EML6: variants seen among roughly 807,000 people sequenced by gnomAD.
EML6 encodes echinoderm microtubule-associated protein-like 6.
A neutral mutation model predicts 240.1 loss-of-function variants in EML6; 154 were observed. The observed-to-expected ratio is 0.64, with a 90% CI of 0.56 to 0.73. The LOEUF (loss-of-function observed/expected upper bound fraction) is 0.73. Ranked by LOEUF, EML6 falls within the 30% of genes least tolerant of loss-of-function variation. The probability of loss-of-function intolerance (pLI) is 0.00; values close to 1 mark genes in which losing one functional copy is unlikely to be tolerated. For missense variants in EML6, 2,964 were observed against 2,474.6 expected (o/e 1.20, Z -4.20); for synonymous variants, 1,148 against 899.0 (o/e 1.28, Z -4.95).
rs1670579647 is a variant in EML6, at chr2:54,859,782, G to A, written c.1825+81G>A. 4 of 1,238,792 alleles carry A rather than the reference G, an allele frequency of 3.2e-6. No homozygotes were observed. The East Asian group carries it at 1.1e-4, about 35-fold the overall frequency. 76.7% of individuals were successfully genotyped at this position (1,238,792 alleles called of 1,614,324 possible). On this transcript the variant is annotated intron_variant, in intron 12 of 41. Coordinates refer to ENST00000356458, the MANE Select transcript of EML6 (RefSeq NM_001039753.4). ...GAATGGTCTAACATGTATTCTATAG[G>A]TAAAGGATTTAAGCAATTTTGGAAA...
In EML6 at chr2:54,884,839, T is replaced by C. The variant is rs114658744; in HGVS notation, c.2438+5199T>C. On this transcript the variant is annotated intron_variant, in intron 17 of 41. Coordinates refer to ENST00000356458, the MANE Select transcript of EML6 (RefSeq NM_001039753.4). Reference sequence around the variant, plus strand: ...GGTTTTCTCTAGTCTCTCTAAAGTATATATTAATGATTTTGTATCTAGGGA... The same window carrying C: ...GGTTTTCTCTAGTCTCTCTAAAGTACATATTAATGATTTTGTATCTAGGGA... 7.6e-3 allele frequency among the ~76,000 whole-genome samples: 1,161 copies of C among 152,316 alleles called. 16 individuals carry two copies. The highest frequency in any genetic ancestry group is 0.027 in the African/African-American group (1,103 of 41,564).
intron 7 of EML6, among the ~76,000 whole-genome samples, chr2:54,842,231 T>C (rs1054685680): frequency 6.6e-6 from 1 of 152,230 alleles, no homozygotes; most frequent in Non-Finnish European, 1.5e-5. Flanking sequence ...TGCCTGTTCA[T>C]CACTCTGCCT....
intron 15 of EML6, among the ~76,000 whole-genome samples, chr2:54,870,417 T>A (rs1405741329): frequency 2.0e-5 from 3 of 151,858 alleles, no homozygotes; most frequent in African/African-American, 7.3e-5. Flanking sequence ...AAGGTATATT[T>A]GGGGGAAAAA....
intron 2 of EML6, among the ~76,000 whole-genome samples, chr2:54,753,436 A>G (rs758238426): frequency 1.2e-4 from 18 of 152,208 alleles, no homozygotes; most frequent in South Asian, 1.0e-3. Flanking sequence ...AGTGGGCTCA[A>G]TGTAATCATA....
rs1005915397 is a variant in EML6 at position 54,797,183 on chromosome 2, A to C, written c.198-16049A>C. ...CCATCTCAAAAAAAAAAAAAAAAAAAAAAAAACTGTGATCTTGTAGGTCTA... is the reference window on the plus strand; with the variant it reads ...CCATCTCAAAAAAAAAAAAAAAAAACAAAAAACTGTGATCTTGTAGGTCTA... On this transcript the variant is annotated intron_variant, in intron 2 of 41. Transcript: ENST00000356458. 1.2e-4 allele frequency among the ~76,000 whole-genome samples: 18 copies of C among 149,304 alleles called. No individual in the cohort carries two copies. In the South Asian group the frequency reaches 1.3e-3, roughly 11 times the overall value.
rs946605646 is a variant in EML6, at chr2:54,970,457, A to C, written c.*362A>C. 1 of 235,458 alleles carries C rather than the reference A, an allele frequency of 4.2e-6. No homozygotes were observed. The highest frequency in any genetic ancestry group is 8.4e-6 in the Non-Finnish European group (1 of 118,856). The allele number at this position is 235,458 out of a possible 1,614,324, so 14.6% of individuals were successfully genotyped here. A position where few individuals can be genotyped will look rare whatever the true frequency, so the allele number is the denominator to read the frequency against. ...CAATATGTAGCTTTTAATTTGCATC[A>C]AAACTTTTACAAAGATGTTTTGCTA... On this transcript the variant is annotated 3_prime_UTR_variant, in exon 42 of 42. Coordinates refer to ENST00000356458, the MANE Select transcript of EML6 (RefSeq NM_001039753.4).
chr2:54,755,651 T>C (rs1187064028), intron 2 of EML6, among the ~76,000 whole-genome samples: 1 of 152,148 alleles, frequency 6.6e-6, no homozygotes, highest in African/African-American at 2.4e-5. Flanking sequence ...TTTGCTAGTA[T>C]ATAGAAATAT....
chr2:54,910,445 G>T (rs1673579154), intron 24 of EML6, among the ~76,000 whole-genome samples: 1 of 152,182 alleles, frequency 6.6e-6, no homozygotes. Flanking sequence ...AGACCAGAGG[G>T]TGGGGAAGGA....
chr2:54,894,606 C>A (rs1395047308), intron 19 of EML6, among the ~76,000 whole-genome samples: 1 of 151,968 alleles, frequency 6.6e-6, no homozygotes, highest in African/African-American at 2.4e-5. Flanking sequence ...CTGTAGGAAC[C>A]ACATTCTGGT....
At chr2:54,759,543 GGTTTTATAGA>G (rs1011587854) in intron 2 of EML6, among the ~76,000 whole-genome samples, 2 of 152,078 alleles carry the variant, frequency 1.3e-5, no homozygotes, top group African/African-American at 2.4e-5. Context: ...AGCTTTTAAA[GGTTTTATAGA>G]GTTTTTAAAA....
At position 54,816,469 on chromosome 2, in the gene EML6, T is replaced by C. The variant is rs1668086170; in HGVS notation, c.358-318T>C. Among the ~76,000 whole-genome samples, 3 of 152,204 alleles carry C rather than the reference T, an allele frequency of 2.0e-5. No homozygotes were observed. The South Asian group carries it at 6.2e-4, about 31-fold the overall frequency. ...TACCTAAAAATTTTAAGTTAAAAAT[T>C]CCAAATGCTGCTATCAAGTTCTGTT... On this transcript the variant is annotated intron_variant, in intron 3 of 41. Coordinates refer to ENST00000356458, the MANE Select transcript of EML6 (RefSeq NM_001039753.4).
At position 54,813,412 on chromosome 2, in the gene EML6, G is replaced by C. The variant is rs149007487; in HGVS notation, c.357+21G>C. 689 of 1,544,682 alleles carry C rather than the reference G, an allele frequency of 4.5e-4. 1 individual carries two copies. The highest frequency in any genetic ancestry group is 1.0e-3 in the Middle Eastern group (6 of 5,892). On this transcript the variant is annotated intron_variant, in intron 3 of 41. Transcript: ENST00000356458. ...GACAGGTGTGTATCTTTTTTTAGTT[G>C]TTTTATTTAATGACTTCTCACAACT...
At chr2:54,846,921 G>GTTTTTTT (rs1558606488) in intron 8 of EML6, among the ~76,000 whole-genome samples, 2 of 81,198 alleles carry the variant, frequency 2.5e-5, no homozygotes, top group Non-Finnish European at 5.6e-5. Flanking sequence ...GTATGAAGTA[G>GTTTTTTT]TATTTTTTTT....
chr2:54,869,262 C>A lies in EML6; in HGVS notation c.2133C>A (p.Val711=). 6.4e-7 allele frequency: 1 copy of A among 1,551,492 alleles called. No individual in the cohort carries two copies. Among genetic ancestry groups the A allele is most frequent in the Non-Finnish European group, 8.7e-7 (1 of 1,146,730 alleles). Residue 711 remains valine, a synonymous_variant, in exon 15 of 42, where the codon GTC becomes GTA. Transcript: ENST00000356458. ...TCTACCACATTGCTGCAGTTGCTGT[C>A]GTGTATAATCGGCAGCAGCACTCCC... The part of the protein sequence containing the change: ...EVVYHIAAVA[V]VYNRQQHSQR...
intron 28 of EML6, among the ~76,000 whole-genome samples, chr2:54,940,581 C>G (rs1056968919): frequency 1.3e-5 from 2 of 152,184 alleles, no homozygotes; most frequent in Non-Finnish European, 2.9e-5. Context: ...CAAACAAATA[C>G]TTTTCAAATG....
intron 26 of EML6, among the ~76,000 whole-genome samples, chr2:54,917,214 G>C (rs976484661): frequency 1.3e-5 from 2 of 152,120 alleles, no homozygotes; most frequent in African/African-American, 4.8e-5. Context: ...TCACAGACCA[G>C]TGCCTTTCTA....
chr2:54,956,621 G>C (rs886318889), intron 32 of EML6, among the ~76,000 whole-genome samples: 1 of 113,882 alleles, frequency 8.8e-6, no homozygotes, highest in Non-Finnish European at 2.2e-5. Flanking sequence ...GCTGGGAGAA[G>C]TTCTCTGTGG....
At chr2:54,783,913 G>C (rs944949146) in intron 2 of EML6, among the ~76,000 whole-genome samples, 1 of 152,022 alleles carries the variant, frequency 6.6e-6, no homozygotes, top group African/African-American at 2.4e-5. Flanking sequence ...CTGCACATTA[G>C]TGTATTATTA....
At chr2:54,821,828 AAG>A (rs1341155026) in intron 5 of EML6, among the ~76,000 whole-genome samples, 5 of 152,138 alleles carry the variant, frequency 3.3e-5, no homozygotes, top group Non-Finnish European at 7.4e-5. Flanking sequence ...ATATGAATTA[AAG>A]AGGTAAGTTT....
Sources: gnomAD v4.1 joint callset for allele counts (sites outside exome capture counted in the v4.1 genomes callset) on GRCh38, gnomAD v4.1.1 for gene constraint, MANE v1.5 for transcripts, NCBI Gene and HGNC (gene_info 2026-07-23, HGNC 2026-07-21) for gene names.